Variants in SCUBE1 observed in about 807,000 individuals in gnomAD.
SCUBE1 encodes signal peptide, CUB domain and EGF like domain containing 1.
Under a neutral mutation model 124.4 loss-of-function variants are expected in SCUBE1, and 59 were observed. The ratio of observed to expected loss-of-function variants is 0.47; its 90% CI spans 0.38 to 0.59. The LOEUF is 0.59. Ranked by LOEUF, SCUBE1 falls within the 20% of genes least tolerant of loss-of-function variation. The probability of loss-of-function intolerance (pLI) is 0.00; values close to 1 mark genes in which losing one functional copy is unlikely to be tolerated. For missense variants in SCUBE1, 1,150 were observed against 1,371.2 expected (o/e 0.84, Z 2.55); for synonymous variants, 545 against 550.9 (o/e 0.99, Z 0.15).
intron 6 of SCUBE1, among the ~76,000 whole-genome samples, chr22:43,252,929 C>T (rs1487560752): frequency 7.0e-6 from 1 of 142,098 alleles, no homozygotes; most frequent in African/African-American, 2.7e-5. Flanking sequence ...AACATTGGGG[C>T]AGGATGGGAA....
chr22:43,293,141 C>T (rs1461014726), intron 3 of SCUBE1, among the ~76,000 whole-genome samples: 1 of 152,226 alleles, frequency 6.6e-6, no homozygotes, highest in Non-Finnish European at 1.5e-5. Context: ...ATGTCTGCCC[C>T]TGGGGTCTGT....
At chr22:43,212,747 C>A in intron 16 of SCUBE1, 155 bp from the exon 17 acceptor site, 2 of 716,010 alleles carry the variant, frequency 2.8e-6, no homozygotes, top group Non-Finnish European at 4.5e-6. Context: ...GAAAACGCAG[C>A]AGCCGGGGTG....
At chr22:43,297,068 C>G (rs1281056136) in intron 3 of SCUBE1, among the ~76,000 whole-genome samples, 2 of 152,250 alleles carry the variant, frequency 1.3e-5, no homozygotes, top group Non-Finnish European at 2.9e-5. Context: ...TGGTCAGGGT[C>G]TGGCCCTCGT....
At chr22:43,253,756 C>T (rs777088762) in intron 6 of SCUBE1, among the ~76,000 whole-genome samples, 22 of 152,344 alleles carry the variant, frequency 1.4e-4, no homozygotes, top group Non-Finnish European at 2.8e-4. Context: ...GCCAACACAG[C>T]GCGGCCCTCT....
At chr22:43,209,812 G>A (rs960890767) in intron 19 of SCUBE1, among the ~76,000 whole-genome samples, 19 of 152,196 alleles carry the variant, frequency 1.2e-4, no homozygotes, top group African/African-American at 4.1e-4. Context: ...ATCCACTCTC[G>A]GAATACCCTA....
At chr22:43,245,056 C>T (rs995185509) in intron 6 of SCUBE1, among the ~76,000 whole-genome samples, 1 of 152,274 alleles carries the variant, frequency 6.6e-6, no homozygotes, top group Admixed American at 6.5e-5. Flanking sequence ...TGGCTCCCAT[C>T]GCTTTGGGAT....
chr22:43,286,648 C>T (rs1925156934), intron 4 of SCUBE1, among the ~76,000 whole-genome samples: 1 of 152,216 alleles, frequency 6.6e-6, no homozygotes, highest in South Asian at 2.1e-4. Flanking sequence ...AGCGTTTCCC[C>T]TCAGCTCATG....
intron 7 of SCUBE1, 173 bp from the exon 8 acceptor site, chr22:43,232,048 C>G: frequency 1.5e-6 from 1 of 655,876 alleles, no homozygotes; most frequent in African/African-American, 1.8e-5. Flanking sequence ...GGCCCTGTCT[C>G]GCAGGGGTCA....
At chr22:43,219,780 A>G (rs1433238671) in intron 14 of SCUBE1, among the ~76,000 whole-genome samples, 2 of 151,918 alleles carry the variant, frequency 1.3e-5, no homozygotes, top group East Asian at 1.9e-4. Flanking sequence ...CAGCCAGACT[A>G]AGACATTTCC....
At chr22:43,319,079 G>T (rs1364286588) in intron 3 of SCUBE1, among the ~76,000 whole-genome samples, 1 of 152,114 alleles carries the variant, frequency 6.6e-6, no homozygotes, top group Non-Finnish European at 1.5e-5. Context: ...GAAGATGGAG[G>T]TATATAAAAT....
At position 43,290,326 on chromosome 22, in the gene SCUBE1, C is replaced by T. The variant is rs546793861; in HGVS notation, c.484+720G>A. ...CCAAGCACATGTGTCCTGGCTCTCT[C>T]CTCCAAGCACATGTGTCCTGGCTTT... is the stretch of plus-strand genomic sequence containing the variant. On this transcript the variant is annotated intron_variant, in intron 4 of 21. Coordinates refer to ENST00000360835, the MANE Select transcript of SCUBE1 (RefSeq NM_173050.5). 2.0e-5 allele frequency among the ~76,000 whole-genome samples: 3 copies of T among 152,204 alleles called. No individual in the cohort carries two copies. In the South Asian group the frequency reaches 6.2e-4, roughly 32 times the overall value.
chr22:43,340,455 C>T (rs1371803488), intron 1 of SCUBE1, among the ~76,000 whole-genome samples: 1 of 150,934 alleles, frequency 6.6e-6, no homozygotes, highest in Non-Finnish European at 1.5e-5. Context: ...CATCTATACA[C>T]CCCAAGCCTC....
At chr22:43,228,765 G>T (rs1012829354) in intron 9 of SCUBE1, among the ~76,000 whole-genome samples, 4 of 152,068 alleles carry the variant, frequency 2.6e-5, no homozygotes, top group African/African-American at 9.7e-5. Flanking sequence ...TCCATGTATT[G>T]GTGCCCCCGC....
intron 6 of SCUBE1, among the ~76,000 whole-genome samples, chr22:43,245,324 C>T (rs1923165358): frequency 6.6e-6 from 1 of 152,248 alleles, no homozygotes; most frequent in African/African-American, 2.4e-5. Flanking sequence ...ACCACGCCTC[C>T]CCGCCTGCCT....
intron 4 of SCUBE1, among the ~76,000 whole-genome samples, chr22:43,286,758 AG>A (rs1258246440): frequency 6.6e-6 from 1 of 151,928 alleles, no homozygotes; most frequent in East Asian, 1.9e-4. Flanking sequence ...GGGCTGGCAG[AG>A]CACCTGGCAC....
rs1404449127 is a variant in SCUBE1 at position 43,255,790 on chromosome 22, G to T, written c.727+2429C>A. Among the ~76,000 whole-genome samples, 3 of 152,170 alleles carry T rather than the reference G, an allele frequency of 2.0e-5. No individual in the cohort carries two copies. Among genetic ancestry groups the T allele is most frequent in the African/African-American group, 7.2e-5 (3 of 41,442 alleles). ...GAGGCAGCGAGGGCGGGGGCGGGGGGACGTGCAGGAAAGGAGGAATGACCA... is the reference window on the plus strand; with the variant it reads ...GAGGCAGCGAGGGCGGGGGCGGGGGTACGTGCAGGAAAGGAGGAATGACCA... On this transcript the variant is annotated intron_variant, in intron 6 of 21. Transcript: ENST00000360835. This position sits in a 1 kb window ranked among gnomAD's most constrained non-coding sequence, Gnocchi z 4.7.
chr22:43,304,218 T>C (rs1925881666), intron 3 of SCUBE1, among the ~76,000 whole-genome samples: 1 of 152,254 alleles, frequency 6.6e-6, no homozygotes, highest in Non-Finnish European at 1.5e-5. Context: ...GCACTTGCGG[T>C]GGCCTCATCT....
chr22:43,260,541 G>A (rs1171030402), intron 5 of SCUBE1, among the ~76,000 whole-genome samples: 1 of 152,234 alleles, frequency 6.6e-6, no homozygotes, highest in Non-Finnish European at 1.5e-5. Flanking sequence ...GGAATTTCCT[G>A]GAATGCAAGT....
rs1923644082 is a variant in SCUBE1 at position 43,255,919 on chromosome 22, A to G, written c.727+2300T>C. On this transcript the variant is annotated intron_variant, in intron 6 of 21. Transcript: ENST00000360835. The surrounding 1 kb of genome is among the most constrained non-coding windows in gnomAD (Gnocchi z 4.7). ...GGGATTCGTCCGCAGAGAGCCACAGAAGCAGAAAGCACCACCATGGTGCTT... is the reference window on the plus strand; with the variant it reads ...GGGATTCGTCCGCAGAGAGCCACAGGAGCAGAAAGCACCACCATGGTGCTT... Among the ~76,000 whole-genome samples, 1 of 152,166 alleles carries G rather than the reference A, an allele frequency of 6.6e-6. No homozygotes were observed. Among genetic ancestry groups the G allele is most frequent in the South Asian group, 2.1e-4 (1 of 4,832 alleles).
Sources: allele counts gnomAD v4.1 joint callset (sites outside exome capture counted in the v4.1 genomes callset), GRCh38; gene constraint gnomAD v4.1.1; non-coding constraint Gnocchi (gnomAD v3.1); transcripts MANE v1.5; gene names NCBI Gene and HGNC (gene_info 2026-07-23, HGNC 2026-07-21).